Variants in WHR1 observed in about 807,000 individuals in gnomAD.
WHR1 encodes the protein winged helix repair factor 1.
At chr6:31,972,742 G>A in the WHR1 span, 4 of 1,612,662 alleles carry the variant, frequency 2.5e-6, no homozygotes, top group Non-Finnish European at 2.5e-6. This position sits in a 1 kb window ranked among gnomAD's most constrained non-coding sequence, Gnocchi z 6.3. Flanking sequence ...ACAGGACCGT[G>A]GCCGACCGGC....
At chr6:31,971,493 A>G in the WHR1 span, 3 of 1,614,056 alleles carry the variant, frequency 1.9e-6, no homozygotes, top group Non-Finnish European at 2.5e-6. This position sits in a 1 kb window ranked among gnomAD's most constrained non-coding sequence, Gnocchi z 4.5. Context: ...GGGCATCTCC[A>G]TGGTACTGGC....
the WHR1 span, among the ~76,000 whole-genome samples, chr6:31,973,994 G>A: frequency 3.9e-5 from 6 of 152,176 alleles, no homozygotes; most frequent in South Asian, 8.3e-4. Flanking sequence ...GAGTTAAGAG[G>A]AACCCAGAGG....
At chr6:31,980,240 G>T in the WHR1 span, 1 of 518,078 alleles carries the variant, frequency 1.9e-6, no homozygotes, top group South Asian at 3.4e-5. Context: ...TGGAGGGAGG[G>T]CAGTCCAGGT....
the WHR1 span, chr6:31,979,014 C>T: frequency 2.3e-5 from 37 of 1,609,506 alleles, no homozygotes; most frequent in South Asian, 3.3e-5. Context: ...TGACTGTGTG[C>T]GTCAGGGGTG....
At chr6:31,972,178 G>A in the WHR1 span, 1 of 1,611,734 alleles carries the variant, frequency 6.2e-7, no homozygotes, top group Non-Finnish European at 8.5e-7. The surrounding 1 kb of genome is among the most constrained non-coding windows in gnomAD (Gnocchi z 6.3). Context: ...GAGCCAATCC[G>A]CGGCCGGCGT....
At chr6:31,976,790 G>A in the WHR1 span, among the ~76,000 whole-genome samples, 2 of 152,270 alleles carry the variant, frequency 1.3e-5, no homozygotes, top group Admixed American at 6.5e-5. Flanking sequence ...GTCTGCAATC[G>A]CGGCACCTCC....
the WHR1 span, among the ~76,000 whole-genome samples, chr6:31,975,869 C>T: frequency 6.6e-6 from 1 of 151,764 alleles, no homozygotes; most frequent in African/African-American, 2.4e-5. Flanking sequence ...GGCAGAGGCG[C>T]CCCTCACCTC....
chr6:31,978,079 C>T, the WHR1 span, among the ~76,000 whole-genome samples: 5 of 152,348 alleles, frequency 3.3e-5, no homozygotes, highest in Admixed American at 1.3e-4. Flanking sequence ...TGAGCCATCT[C>T]GCCCGGCCTA....
the WHR1 span, chr6:31,980,397 G>C: frequency 6.7e-7 from 1 of 1,482,344 alleles, no homozygotes; most frequent in South Asian, 1.2e-5. Context: ...ATGAGGAGGA[G>C]AGATGGTTCT....
the WHR1 span, chr6:31,972,095 G>A: frequency 1.2e-6 from 2 of 1,613,138 alleles, no homozygotes; most frequent in South Asian, 1.1e-5. The surrounding 1 kb of genome is among the most constrained non-coding windows in gnomAD (Gnocchi z 6.3). Flanking sequence ...TCACGAAGGA[G>A]GTTGACACCA....
the WHR1 span, chr6:31,971,336 G>T: frequency 1.9e-6 from 3 of 1,542,876 alleles, no homozygotes; most frequent in Non-Finnish European, 8.7e-7. This position sits in a 1 kb window ranked among gnomAD's most constrained non-coding sequence, Gnocchi z 4.5. Flanking sequence ...AACCGGCCTC[G>T]GTGTTCCAGG....
At chr6:31,976,156 C>T in the WHR1 span, among the ~76,000 whole-genome samples, 4 of 147,864 alleles carry the variant, frequency 2.7e-5, no homozygotes, top group Non-Finnish European at 6.0e-5. Context: ...ACCTCCCTCC[C>T]GGACAGGGCG....
the WHR1 span, among the ~76,000 whole-genome samples, chr6:31,977,966 T>C: frequency 1.3e-5 from 2 of 151,986 alleles, no homozygotes; most frequent in Middle Eastern, 6.8e-3. Flanking sequence ...TTTTGTAGTT[T>C]TAGTAGAGAC....
chr6:31,976,437 T>C, the WHR1 span, among the ~76,000 whole-genome samples: 7 of 147,528 alleles, frequency 4.7e-5, no homozygotes, highest in South Asian at 4.3e-4. Context: ...GCTCCTCACA[T>C]CCCAGACGGG....
At chr6:31,979,774 G>T in the WHR1 span, 2 of 541,872 alleles carry the variant, frequency 3.7e-6, no homozygotes, top group Non-Finnish European at 6.4e-6. Context: ...ATAGAATTCA[G>T]TTCTTGGTGG....
the WHR1 span, among the ~76,000 whole-genome samples, chr6:31,975,586 G>C: frequency 6.6e-6 from 1 of 151,224 alleles, no homozygotes; most frequent in Non-Finnish European, 1.5e-5. Flanking sequence ...TGCCTGCCTC[G>C]GCCTCCCAAA....
chr6:31,971,329 C>A, the WHR1 span: 1 of 1,541,004 alleles, frequency 6.5e-7, no homozygotes, highest in Non-Finnish European at 8.8e-7. This position sits in a 1 kb window ranked among gnomAD's most constrained non-coding sequence, Gnocchi z 4.5. Context: ...CCCCTCCAAC[C>A]GGCCTCGGTG....
the WHR1 span, chr6:31,979,584 C>T: frequency 6.2e-7 from 1 of 1,609,532 alleles, no homozygotes; most frequent in Admixed American, 1.7e-5. Flanking sequence ...CAAAGTCAGG[C>T]ATCTGGTGCT....
the WHR1 span, chr6:31,980,238 G>A: frequency 5.8e-6 from 3 of 518,026 alleles, no homozygotes; most frequent in African/African-American, 1.9e-5. Context: ...AGTGGAGGGA[G>A]GGCAGTCCAG....
Sources: gnomAD v4.1 joint callset for allele counts (sites outside exome capture counted in the v4.1 genomes callset) on GRCh38, gnomAD v4.1.1 for gene constraint, Gnocchi (gnomAD v3.1) non-coding constraint, MANE v1.5 for transcripts, NCBI Gene and HGNC (gene_info 2026-07-23, HGNC 2026-07-21) for gene names.